The following LRP1B variants were observed in gnomAD, a reference collection of about 807,000 sequenced individuals.
LRP1B encodes low-density lipoprotein receptor-related protein 1B.
A neutral mutation model predicts 556.6 loss-of-function variants in LRP1B; 217 were observed. That is an observed-to-expected ratio of 0.39 (90% CI 0.35 to 0.44). LRP1B has a LOEUF of 0.44. Ranked by LOEUF, LRP1B falls within the 20% of genes least tolerant of loss-of-function variation. The probability of loss-of-function intolerance (pLI) is 1.00; values close to 1 mark genes in which losing one functional copy is unlikely to be tolerated. For synonymous variants in LRP1B, 2,047 were observed against 1,865.8 expected, an observed-to-expected ratio of 1.10 and a Z score of -2.50; for missense variants, 5,053 against 5,620.8, an observed-to-expected ratio of 0.90 and a Z score of 3.23.
Position 140,456,560 on chromosome 2 carries a change from A to G in LRP1B, c.9858T>C (p.His3286=), listed in dbSNP as rs148327132. The G allele has an allele frequency of 3.1e-6, 5 of 1,612,988 alleles. No individual in the cohort carries two copies. The highest frequency in any genetic ancestry group is 4.2e-6 in the Non-Finnish European group (5 of 1,179,360). Residue 3286 remains histidine (H), a synonymous_variant, in exon 62 of 91, where the codon CAT becomes CAC. Coordinates refer to ENST00000389484, the MANE Select transcript of LRP1B (RefSeq NM_018557.3). ...LCMINNGGCS[H]LCLLAPGKTH... ...TTTTTCCAGGGGCTAAAAGGCACAA[A>G]TGACTGCAACCACCATTATTTATCA...
At chr2:141,180,944 G>A (rs868142104) in intron 7 of LRP1B, among the ~76,000 whole-genome samples, 8 of 152,022 alleles carry the variant, frequency 5.3e-5, no homozygotes, top group Middle Eastern at 3.4e-3. Context: ...AGATAACAAA[G>A]GACTGCCATG....
At chr2:141,282,443 C>T (rs1255899295) in intron 3 of LRP1B, among the ~76,000 whole-genome samples, 1 of 141,606 alleles carries the variant, frequency 7.1e-6, no homozygotes, top group African/African-American at 2.6e-5. Flanking sequence ...TTTTCTATTT[C>T]CTATTGGGCC....
chr2:141,627,681 A>G (rs898459042), intron 2 of LRP1B, among the ~76,000 whole-genome samples: 1 of 152,248 alleles, frequency 6.6e-6, no homozygotes, highest in Non-Finnish European at 1.5e-5. Context: ...CCCCTGGTCC[A>G]TGGAAACACT....
rs75037207 is a variant in LRP1B at position 141,559,314 on chromosome 2, G to A, written c.206-78781C>T. On this transcript the variant is annotated intron_variant, in intron 2 of 90. Transcript: ENST00000389484. ...GGTCTATGATTGATTTCTGTCAGCA[G>A]TGCAACTGACAACTTCCTTATTATT... Among the ~76,000 whole-genome samples, 1,468 of 151,744 alleles carry A rather than the reference G, an allele frequency of 9.7e-3. 17 individuals are homozygous for A. The highest frequency in any genetic ancestry group is 0.013 in the Non-Finnish European group (852 of 67,716).
At chr2:140,492,909 T>A (rs954833941) in intron 56 of LRP1B, among the ~76,000 whole-genome samples, 8 of 152,166 alleles carry the variant, frequency 5.3e-5, no homozygotes, top group African/African-American at 1.9e-4. Flanking sequence ...AAATTCTAAG[T>A]GCATCCCTTG....
intron 4 of LRP1B, among the ~76,000 whole-genome samples, chr2:141,249,079 G>T (rs571178360): frequency 5.2e-4 from 79 of 152,264 alleles, no homozygotes; most frequent in African/African-American, 1.9e-3. Flanking sequence ...TAAATTTGAG[G>T]TGTCTGTAGG....
At chr2:140,309,358 C>T (rs1684199346) in intron 83 of LRP1B, among the ~76,000 whole-genome samples, 1 of 151,784 alleles carries the variant, frequency 6.6e-6, no homozygotes, top group Admixed American at 6.6e-5. Flanking sequence ...GGTTTATTTT[C>T]AGCCAGCATT....
rs1696198314 is a variant in LRP1B, at chr2:141,807,330, C to G, written c.205+2949G>C. Among the ~76,000 whole-genome samples, 3 of 151,882 alleles carry G rather than the reference C, an allele frequency of 2.0e-5. No homozygotes were observed. The South Asian group carries it at 6.2e-4, about 31-fold the overall frequency. On this transcript the variant is annotated intron_variant, in intron 2 of 90. Coordinates refer to ENST00000389484, the MANE Select transcript of LRP1B (RefSeq NM_018557.3). Reference sequence around the variant, plus strand: ...ATTGATGGAAACCATTTATAGGGAACAAGCCAATTAAATATAAATCTAAAT... The same window carrying G: ...ATTGATGGAAACCATTTATAGGGAAGAAGCCAATTAAATATAAATCTAAAT...
rs568234410 is a variant in LRP1B, at chr2:141,634,735, C to T, written c.206-154202G>A. Among the ~76,000 whole-genome samples, 10 of 151,938 alleles carry T rather than the reference C, an allele frequency of 6.6e-5. No homozygotes were observed. In the East Asian group the frequency reaches 1.7e-3, roughly 26 times the overall value. On this transcript the variant is annotated intron_variant, in intron 2 of 90. Transcript: ENST00000389484. ...TATATATTTGTATGAAATTCTTAAA[C>T]TGGTTATTTACCTTTTTAGACTATT...
At chr2:141,209,170 C>T (rs78972580) in intron 6 of LRP1B, among the ~76,000 whole-genome samples, 1,798 of 152,138 alleles carry the variant, frequency 0.012, 42 homozygotes, top group African/African-American at 0.039. Flanking sequence ...GTGTCCCCAC[C>T]CAAATCTCAC....
intron 79 of LRP1B, among the ~76,000 whole-genome samples, chr2:140,327,907 G>C (rs1680575915): frequency 1.3e-5 from 2 of 151,904 alleles, no homozygotes; most frequent in Admixed American, 1.3e-4. Flanking sequence ...GTTTATGGAT[G>C]AATGGAATTT....
At chr2:140,660,170 G>A (rs60901381) in intron 41 of LRP1B, among the ~76,000 whole-genome samples, 11,769 of 151,610 alleles carry the variant, frequency 0.078, 570 homozygotes, top group African/African-American at 0.13. Context: ...CTGCAAAAGT[G>A]TTTTTTTCAA....
chr2:141,899,188 TA>T (rs1699544208), intron 1 of LRP1B, among the ~76,000 whole-genome samples: 2 of 152,148 alleles, frequency 1.3e-5, no homozygotes. Context: ...GACAAGCTAA[TA>T]AAAAGCTTTC....
At chr2:141,509,370 T>C (rs1684040994) in intron 2 of LRP1B, among the ~76,000 whole-genome samples, 1 of 152,188 alleles carries the variant, frequency 6.6e-6, no homozygotes, top group Admixed American at 6.6e-5. Context: ...TGAGCCTGTC[T>C]GGTAAACAGT....
rs61336155 is a variant in LRP1B, at chr2:140,600,767, G to GTTTT, written c.6989+679_6989+682dup. Among the ~76,000 whole-genome samples, 38 of 56,888 alleles carry GTTTT rather than the reference G, an allele frequency of 6.7e-4. 1 individual carries two copies. The highest frequency in any genetic ancestry group is 1.4e-3 in the African/African-American group (19 of 13,806). The allele number at this position is 56,888 out of a possible 152,430, so 37.3% of individuals were successfully genotyped here. A position where few individuals can be genotyped will look rare whatever the true frequency, so the allele number is the denominator to read the frequency against. On this transcript the variant is annotated intron_variant, in intron 42 of 90. Coordinates refer to ENST00000389484, the MANE Select transcript of LRP1B (RefSeq NM_018557.3). ...CCTTACCTGTGCTTTGTTCTTCGGG[G>GTTTT]TTTTTTTTTTTTTTTTTTTTTTTTT...
At chr2:141,716,327 T>A (rs548720867) in intron 2 of LRP1B, among the ~76,000 whole-genome samples, 1 of 152,170 alleles carries the variant, frequency 6.6e-6, no homozygotes, top group East Asian at 1.9e-4. Context: ...GGAGAATGGG[T>A]CTTTTTATAC....
At chr2:141,909,496 G>T in intron 1 of LRP1B, among the ~76,000 whole-genome samples, 1 of 148,120 alleles carries the variant, frequency 6.8e-6, no homozygotes, top group African/African-American at 2.5e-5. Flanking sequence ...CAGGCATCTG[G>T]GTTAATTTAA....
chr2:140,831,507 A>T (rs12615300), intron 31 of LRP1B, among the ~76,000 whole-genome samples: 118,733 of 152,056 alleles, frequency 0.78, 47,639 homozygotes, highest in Non-Finnish European at 0.88. Flanking sequence ...TCTCTTGCCA[A>T]ATATAAAAGT....
intron 1 of LRP1B, among the ~76,000 whole-genome samples, chr2:141,917,869 TTAG>T (rs1366039615): frequency 6.6e-6 from 1 of 152,152 alleles, no homozygotes; most frequent in African/African-American, 2.4e-5. Flanking sequence ...GTATGTGTCT[TTAG>T]TAGAATAATG....
Sources: gnomAD v4.1 joint callset for allele counts (sites outside exome capture counted in the v4.1 genomes callset) on GRCh38, gnomAD v4.1.1 for gene constraint, MANE v1.5 for transcripts, NCBI Gene and HGNC (gene_info 2026-07-23, HGNC 2026-07-21) for gene names.